Variants in LONP1 observed in about 807,000 individuals in gnomAD.
LONP1 encodes lon peptidase 1, mitochondrial.
LONP1 carries 31 observed loss-of-function variants against 98.5 expected under a neutral mutation model. That is an observed-to-expected ratio of 0.31 (90% CI 0.24 to 0.42). The LOEUF (loss-of-function observed/expected upper bound fraction) is 0.42. Ranked by LOEUF, LONP1 falls within the 20% of genes least tolerant of loss-of-function variation. The pLI, the probability that LONP1 is intolerant of heterozygous loss-of-function variation, is 1.00. For synonymous variants in LONP1, 781 were observed against 594.7 expected, an observed-to-expected ratio of 1.31 and a Z score of -4.56; for missense variants, 1,336 against 1,350.6, an observed-to-expected ratio of 0.99 and a Z score of 0.17.
At chr19:5,713,656 G>C (rs2055271697) in intron 2 of LONP1, among the ~76,000 whole-genome samples, 1 of 152,154 alleles carries the variant, frequency 6.6e-6, no homozygotes, top group Non-Finnish European at 1.5e-5. Flanking sequence ...CCACTTACTA[G>C]GTTCAACCGA....
At chr19:5,712,899 G>C (rs2055259660) in intron 3 of LONP1, among the ~76,000 whole-genome samples, 1 of 152,114 alleles carries the variant, frequency 6.6e-6, no homozygotes, top group South Asian at 2.1e-4. Context: ...CCAAAGTGCT[G>C]GAATTCCAGG....
chr19:5,695,899 T>G (rs2054917451), intron 13 of LONP1, among the ~76,000 whole-genome samples, 155 bp downstream of exon 13: 1 of 151,788 alleles, frequency 6.6e-6, no homozygotes, highest in Non-Finnish European at 1.5e-5. Context: ...CTCGCAAGCG[T>G]CTGGTGTGTC....
upstream of LONP1, chr19:5,720,200 C>CCGGCGCGTGCCTCGGTACCCGAT: frequency 7.2e-7 from 1 of 1,384,572 alleles, no homozygotes; most frequent in Non-Finnish European, 9.3e-7. Context: ...CACGTGACGC[C>CCGGCGCGTGCCTCGGTACCCGAT]CGGCGCGTGC....
In LONP1 at chr19:5,696,739, G is replaced by A. The variant is rs763761431; in HGVS notation, c.1704C>T (p.Ala568=). 1.4e-5 allele frequency: 23 copies of A among 1,613,264 alleles called. No individual in the cohort carries two copies. In the African/African-American group the frequency reaches 1.7e-4, roughly 12 times the overall value. The change falls in exon 11 of 18, where the codon GCC becomes GCT. Residue 568 remains alanine (A), a synonymous_variant. Transcript: ENST00000360614. ...IKGHRRTYVG[A]MPGKIIQCLK... is the part of the protein sequence containing the mutation. The stretch of plus-strand genomic sequence containing the variant: ...AACACTGGATGATCTTCCCGGGCAT[G>A]GCGCCCACGTAGGTCCGCCTGTGGG...
At position 5,699,065 on chromosome 19, in the gene LONP1, G is replaced by T; in HGVS notation, c.1647C>A (p.Val549=). 1.9e-6 allele frequency: 3 copies of T among 1,609,068 alleles called. No individual in the cohort carries two copies. The highest frequency in any genetic ancestry group is 1.7e-6 in the Non-Finnish European group (2 of 1,177,316). ...ALNREYFRFS[V]GGMTDVAEIK... ...TCTCAGCCACGTCAGTCATGCCCCC[G>T]ACGCTGAAGCGGAAGTACTCTCGGT... The change falls in exon 10 of 18, where the codon GTC becomes GTA. Residue 549 remains valine (V), a synonymous_variant. Coordinates refer to ENST00000360614, the MANE Select transcript of LONP1 (RefSeq NM_004793.4).
chr19:5,719,426 G>C (rs1203001170), intron 1 of LONP1, among the ~76,000 whole-genome samples: 1 of 152,176 alleles, frequency 6.6e-6, no homozygotes, highest in Non-Finnish European at 1.5e-5. Context: ...GTCCCTCCCG[G>C]CCCCGGATTT....
chr19:5,694,640 G>A (rs1599445271), intron 14 of LONP1, 88 bp from the exon 15 acceptor site: 1 of 1,565,882 alleles, frequency 6.4e-7, no homozygotes. Flanking sequence ...AGGTGTGACG[G>A]GCGCGGGGTG....
chr19:5,692,562 T>C (rs1335248758), intron 17 of LONP1, among the ~76,000 whole-genome samples: 1 of 152,088 alleles, frequency 6.6e-6, no homozygotes, highest in Non-Finnish European at 1.5e-5. Flanking sequence ...AGGGTTCCTG[T>C]GAGCATCTGC....
chr19:5,702,261 G>A (rs1304986400), intron 8 of LONP1, among the ~76,000 whole-genome samples: 5 of 138,154 alleles, frequency 3.6e-5, no homozygotes, highest in Admixed American at 7.3e-5. Context: ...TTGGGGGGGG[G>A]GTCAGCCCCC....
intron 1 of LONP1, among the ~76,000 whole-genome samples, chr19:5,714,615 T>C (rs1324866558): frequency 7.6e-6 from 1 of 132,324 alleles, no homozygotes; most frequent in Non-Finnish European, 1.6e-5. Context: ...CAGGGTAGCT[T>C]TTCTTTTTTT....
intron 9 of LONP1, among the ~76,000 whole-genome samples, chr19:5,700,537 C>T (rs2055021438): frequency 6.6e-6 from 1 of 152,256 alleles, no homozygotes; most frequent in African/African-American, 2.4e-5. Context: ...CCGCCTCAGC[C>T]TCCTGAGTAA....
At chr19:5,710,957 T>C (rs1345924362) in intron 4 of LONP1, among the ~76,000 whole-genome samples, 2 of 149,598 alleles carry the variant, frequency 1.3e-5, no homozygotes, top group Non-Finnish European at 3.0e-5. Flanking sequence ...ACCTGGGAGG[T>C]GGAAATTGCA....
At position 5,711,938 on chromosome 19, in the gene LONP1, G is replaced by A. The variant is rs1459401410; in HGVS notation, c.703C>T (p.Pro235Ser). ...TTGCCCCGCTTTGACTTCCTGCGGG[G>A]CTTGTGCTTGTTCTCCGCCTCCGGC... ...EEPEAENKHK[P>S]RRKSKRGKKE... The change falls in exon 4 of 18, where the codon CCC becomes TCC. Residue 235 changes from proline to serine, a missense_variant. Transcript: ENST00000360614. 2 of 1,613,222 alleles carry A rather than the reference G, an allele frequency of 1.2e-6. No homozygotes were observed. The highest frequency in any genetic ancestry group is 2.2e-5 in the South Asian group (2 of 91,084).
intron 1 of LONP1, 34 bp from the exon 2 acceptor site, chr19:5,714,305 A>G: frequency 6.8e-7 from 1 of 1,470,966 alleles, no homozygotes. Context: ...TGAAATGCAG[A>G]GTAGATTTTT....
Position 5,693,244 on chromosome 19 carries a change from C to A in LONP1, c.2703+54G>T. ...GTTGCATGGCGGGGACTGGGCCTGTCCCGTGGTGGTGTGGGCCCTGCCAGT... is the reference window on the plus strand; with the variant it reads ...GTTGCATGGCGGGGACTGGGCCTGTACCGTGGTGGTGTGGGCCCTGCCAGT... On this transcript the variant is annotated intron_variant, in intron 17 of 17. Coordinates refer to ENST00000360614, the MANE Select transcript of LONP1 (RefSeq NM_004793.4). 4 of 1,564,024 alleles carry A rather than the reference C, an allele frequency of 2.6e-6. No homozygotes were observed. The East Asian group carries it at 6.8e-5, about 27-fold the overall frequency.
Position 5,696,266 on chromosome 19 carries a change from G to C in LONP1, c.1879C>G (p.Pro627Ala), listed in dbSNP as rs1046216797. The change falls in exon 12 of 18, where the codon CCC becomes GCC. Residue 627 changes from proline (P) to alanine (A), a missense_variant. Pro to Ala is a conservative substitution (Grantham distance 27). This residue lies in a region of LONP1 where 555 missense variants were observed against 542.6 expected (regional missense o/e 1.02). Coordinates refer to ENST00000360614, the MANE Select transcript of LONP1 (RefSeq NM_004793.4). ...CCCCCCACCTTGGACAAGTCCACGG[G>C]CACGTCCAGGTAGTGGTCCAGGAAG... is the stretch of plus-strand genomic sequence containing the variant. ...ANFLDHYLDV[P>A]VDLSKVLFIC... 6.2e-7 allele frequency: 1 copy of C among 1,613,202 alleles called. No individual in the cohort carries two copies. The highest frequency in any genetic ancestry group is 8.5e-7 in the Non-Finnish European group (1 of 1,179,880).
At chr19:5,708,457 G>C in intron 4 of LONP1, 54 bp from the exon 5 acceptor site, 1 of 1,289,700 alleles carries the variant, frequency 7.8e-7, no homozygotes, top group Non-Finnish European at 1.1e-6. Context: ...AGCAGGGGGT[G>C]GGCTGGGTGG....
chr19:5,698,881 G>A (rs765206709), intron 10 of LONP1, 146 bp downstream of exon 10: 52 of 854,218 alleles, frequency 6.1e-5, no homozygotes, highest in Non-Finnish European at 7.9e-5. Context: ...CCACATGGCT[G>A]GACTTTTCAG....
intron 1 of LONP1, among the ~76,000 whole-genome samples, chr19:5,715,548 A>G (rs2055302799): frequency 7.1e-6 from 1 of 141,750 alleles, no homozygotes; most frequent in African/African-American, 2.6e-5. Context: ...AGGCTGAGGC[A>G]GGAGAATGGC....
Sources: gnomAD v4.1 joint callset for allele counts (sites outside exome capture counted in the v4.1 genomes callset) on GRCh38, gnomAD v4.1.1 for gene constraint, gnomAD v4.1.1 regional missense constraint, MANE v1.5 for transcripts, NCBI Gene and HGNC (gene_info 2026-07-23, HGNC 2026-07-21) for gene names.